The following KRT82 variants were observed in gnomAD, a reference collection of about 807,000 sequenced individuals.
KRT82 encodes the protein keratin, type II cuticular Hb2.
Under a neutral mutation model 48.0 loss-of-function variants are expected in KRT82, and 44 were observed. The observed-to-expected ratio is 0.92, with a 90% CI of 0.72 to 1.18. KRT82 has a LOEUF of 1.18. Ranked by LOEUF, KRT82 falls within the 50% of genes most tolerant of loss-of-function variation. KRT82 has a pLI of 0.00. For synonymous variants in KRT82, 297 were observed against 278.3 expected (o/e 1.07, Z -0.67); for missense variants, 701 against 671.4 (o/e 1.04, Z -0.49).
rs1403390979 is a variant in KRT82 at position 52,405,742 on chromosome 12, G to C, written c.411+125C>G. ...AGGCTGGTGGTCGTGGAATGTGAGG[G>C]AGGCCACTGGATAAACTGAGGCCTC... On this transcript the variant is annotated intron_variant, in intron 1 of 8. Coordinates refer to ENST00000257974, the MANE Select transcript of KRT82 (RefSeq NM_033033.4). The C allele has an allele frequency of 5.6e-6, 5 of 896,446 alleles. No individual in the cohort carries two copies. The East Asian group carries it at 1.3e-4, about 22-fold the overall frequency. The allele number at this position is 896,446 out of a possible 1,614,324, so 55.5% of individuals were successfully genotyped here.
intron 1 of KRT82, among the ~76,000 whole-genome samples, chr12:52,405,244 A>G (rs1176411814): frequency 6.6e-6 from 1 of 151,832 alleles, no homozygotes; most frequent in Non-Finnish European, 1.5e-5. Context: ...TGTGCTGTAG[A>G]TGTGGGAATC....
chr12:52,402,853 C>A (rs1447666686), intron 2 of KRT82, among the ~76,000 whole-genome samples: 1 of 152,192 alleles, frequency 6.6e-6, no homozygotes, highest in Admixed American at 6.5e-5. Flanking sequence ...TATATTTGCC[C>A]TGTTTCTCCT....
Position 52,406,303 on chromosome 12 carries a change from C to A in KRT82, c.-26G>T, listed in dbSNP as rs776604458. 2 of 1,546,658 alleles carry A rather than the reference C, an allele frequency of 1.3e-6. No individual in the cohort carries two copies. The highest frequency in any genetic ancestry group is 3.7e-5 in the Admixed American group (2 of 53,870). On this transcript the variant is annotated 5_prime_UTR_variant, in exon 1 of 9. Transcript: ENST00000257974. ...GGCAGGAGAGAGAGGCAGAGAAATGCGGCCCTGGAGGAAAGAACCGGGGCA... is the reference window on the plus strand; with the variant it reads ...GGCAGGAGAGAGAGGCAGAGAAATGAGGCCCTGGAGGAAAGAACCGGGGCA...
At chr12:52,404,663 T>C (rs1939830251) in intron 1 of KRT82, among the ~76,000 whole-genome samples, 1 of 152,222 alleles carries the variant, frequency 6.6e-6, no homozygotes, top group African/African-American at 2.4e-5. Flanking sequence ...GCCCTACTTC[T>C]GGTCAGTGGC....
intron 6 of KRT82, among the ~76,000 whole-genome samples, chr12:52,396,595 G>T (rs547175850): frequency 6.6e-6 from 1 of 152,304 alleles, no homozygotes. Context: ...TGAAGGGACC[G>T]TGGAGTGCAT....
At chr12:52,395,403 C>T (rs545257058) in intron 8 of KRT82, among the ~76,000 whole-genome samples, 1 of 152,264 alleles carries the variant, frequency 6.6e-6, no homozygotes, top group Admixed American at 6.5e-5. Context: ...TCCCTAGAGC[C>T]TGGGCAAGGC....
intron 6 of KRT82, among the ~76,000 whole-genome samples, chr12:52,396,594 C>T (rs1033679630): frequency 5.9e-5 from 9 of 152,114 alleles, no homozygotes; most frequent in Non-Finnish European, 1.2e-4. Context: ...CTGAAGGGAC[C>T]GTGGAGTGCA....
At position 52,394,713 on chromosome 12, in the gene KRT82, C is replaced by A. The variant is rs1032969495; in HGVS notation, c.*262G>T. 5.2e-5 allele frequency: 29 copies of A among 554,716 alleles called. No individual in the cohort carries two copies. The highest frequency in any genetic ancestry group is 3.1e-5 in the Admixed American group (1 of 31,956). The allele number at this position is 554,716 out of a possible 1,614,324, so 34.4% of individuals were successfully genotyped here. On this transcript the variant is annotated 3_prime_UTR_variant, in exon 9 of 9. Coordinates refer to ENST00000257974, the MANE Select transcript of KRT82 (RefSeq NM_033033.4). ...GTTATTGCCATTCTGCGGTTAAGAG[C>A]AATGCATGCTCTTTCTCTGCCGTCT... is the stretch of plus-strand genomic sequence containing the variant.
chr12:52,405,297 C>T (rs1427309758), intron 1 of KRT82, among the ~76,000 whole-genome samples: 9 of 152,232 alleles, frequency 5.9e-5, no homozygotes. Context: ...TCAGCACCTT[C>T]TGAAGGCATG....
At chr12:52,400,922 C>T (rs536553030) in intron 3 of KRT82, among the ~76,000 whole-genome samples, 5 of 152,290 alleles carry the variant, frequency 3.3e-5, no homozygotes, top group South Asian at 4.1e-4. Context: ...GAGGAACCAT[C>T]GCAATTGTAT....
At chr12:52,397,907 T>C (rs563940414) in intron 5 of KRT82, among the ~76,000 whole-genome samples, 1 of 152,086 alleles carries the variant, frequency 6.6e-6, no homozygotes, top group South Asian at 2.1e-4. Context: ...ATTAGCTGAG[T>C]ATGGTGGTGC....
At chr12:52,403,570 C>T (rs1939815323) in intron 2 of KRT82, 131 bp downstream of exon 2, 2 of 676,096 alleles carry the variant, frequency 3.0e-6, no homozygotes, top group African/African-American at 1.8e-5. Flanking sequence ...CTGACACCAT[C>T]CCACCTAACT....
intron 5 of KRT82, among the ~76,000 whole-genome samples, 154 bp downstream of exon 5, chr12:52,399,831 C>T (rs986277563): frequency 6.6e-5 from 10 of 152,212 alleles, no homozygotes; most frequent in African/African-American, 2.2e-4. Flanking sequence ...GCAGAAACAA[C>T]AGCAGCTGGG....
At position 52,394,727 on chromosome 12, in the gene KRT82, T is replaced by C; in HGVS notation, c.*248A>G. ...GCGGTTAAGAGCAATGCATGCTCTT[T>C]CTCTGCCGTCTGTCCCCACCATCTG... On this transcript the variant is annotated 3_prime_UTR_variant, in exon 9 of 9. Transcript: ENST00000257974. The C allele has an allele frequency of 3.5e-6, 2 of 575,946 alleles. No homozygotes were observed. The highest frequency in any genetic ancestry group is 6.2e-6 in the Non-Finnish European group (2 of 321,572). 35.7% of individuals were successfully genotyped at this position (575,946 alleles called of 1,614,324 possible).
At chr12:52,403,614 C>A in intron 2 of KRT82, 87 bp downstream of exon 2, 1 of 877,132 alleles carries the variant, frequency 1.1e-6, no homozygotes. Context: ...TTTAGGCTTC[C>A]CATTTTATAA....
At chr12:52,395,351 C>A (rs946304295) in intron 8 of KRT82, among the ~76,000 whole-genome samples, 156 bp from the exon 9 acceptor site, 10 of 152,158 alleles carry the variant, frequency 6.6e-5, no homozygotes, top group African/African-American at 1.7e-4. Flanking sequence ...CCCACCCTAG[C>A]CACATAAAGT....
Position 52,406,104 on chromosome 12 carries a change from G to A in KRT82, c.174C>T (p.Cys58=). The A allele has an allele frequency of 6.2e-7, 1 of 1,613,256 alleles. No individual in the cohort carries two copies. The highest frequency in any genetic ancestry group is 1.1e-5 in the South Asian group (1 of 91,056). Residue 58 remains cysteine, a synonymous_variant, in exon 1 of 9, where the codon TGC becomes TGT. Transcript: ENST00000257974. ...ALGCLGSRSL[C]NVGFGRPRVA... ...CCCGGGGCCTCCCAAAGCCCACGTT[G>A]CACAGGCTCCGTGAGCCAAGGCAGC...
chr12:52,398,329 A>C (rs1235335548), intron 5 of KRT82, among the ~76,000 whole-genome samples: 1 of 152,126 alleles, frequency 6.6e-6, no homozygotes, highest in Non-Finnish European at 1.5e-5. Context: ...AACATGAGGC[A>C]ACCAAGAGGA....
At position 52,400,056 on chromosome 12, in the gene KRT82, C is replaced by T; in HGVS notation, c.871G>A (p.Glu291Lys). The change falls in exon 5 of 9, where the codon GAG becomes AAG. Residue 291 changes from glutamate to lysine, a missense_variant. Physicochemically the swap from Glu to Lys is moderately conservative, Grantham distance 56. Coordinates refer to ENST00000257974, the MANE Select transcript of KRT82 (RefSeq NM_033033.4). ...ATGTCGTCATACTGCGCCTTGATCT[C>T]AGCGATGATGCCGTCCACGTCCAGC... ...RELDVDGIIA[E>K]IKAQYDDIAS... 1 of 1,614,222 alleles carries T rather than the reference C, an allele frequency of 6.2e-7. No homozygotes were observed. The highest frequency in any genetic ancestry group is 1.1e-5 in the South Asian group (1 of 91,076).
Sources: allele counts gnomAD v4.1 joint callset (sites outside exome capture counted in the v4.1 genomes callset), GRCh38; gene constraint gnomAD v4.1.1; transcripts MANE v1.5; gene names NCBI Gene and HGNC (gene_info 2026-07-23, HGNC 2026-07-21).